MYH4: variants seen among roughly 807,000 people sequenced by gnomAD.
The protein encoded by MYH4 is myosin-4.
In MYH4, 200 loss-of-function variants were observed where a neutral mutation model predicts 229.9. That is an observed-to-expected ratio of 0.87 (90% CI 0.78 to 0.98). MYH4 has a LOEUF of 0.98. Among genes scored for constraint, MYH4 ranks in the 50% least tolerant of loss-of-function variants. The probability of loss-of-function intolerance (pLI) is 0.00; values close to 1 mark genes in which losing one functional copy is unlikely to be tolerated. For missense variants in MYH4, 2,148 were observed against 2,332.6 expected (o/e 0.92, Z 1.63); for synonymous variants, 761 against 834.6 (o/e 0.91, Z 1.52).
Position 10,463,404 on chromosome 17 carries a change from T to TA in MYH4, c.742-4dup. The TA allele has an allele frequency of 1.2e-6, 2 of 1,611,672 alleles. No individual in the cohort carries two copies. Among genetic ancestry groups the TA allele is most frequent in the South Asian group, 2.2e-5 (2 of 90,330 alleles). On this transcript the variant is annotated splice_region_variant and splice_polypyrimidine_tract_variant and intron_variant, in intron 8 of 39. Coordinates refer to ENST00000255381, the MANE Select transcript of MYH4 (RefSeq NM_017533.2). ...AAATGGATCCTGATGAATTTACCCT[T>TA]AAAAAAGAAAAGGAGGGATTATTAT...
Position 10,455,592 on chromosome 17 carries a change from G to C in MYH4, c.2174+22C>G, listed in dbSNP as rs28420886. On this transcript the variant is annotated intron_variant, in intron 19 of 39. Transcript: ENST00000255381. ...TTTGTGTAGACTAAGACATTGGAAG[G>C]GAAAAATAATGAGACACAAACCTCT... 1,147 of 1,613,452 alleles carry C rather than the reference G, an allele frequency of 7.1e-4. 11 individuals are homozygous for C. In the African/African-American group the frequency reaches 0.014, roughly 20 times the overall value.
At position 10,460,356 on chromosome 17, in the gene MYH4, A is replaced by G. The variant is rs368194383; in HGVS notation, c.1148-35T>C. On this transcript the variant is annotated intron_variant, in intron 12 of 39. Coordinates refer to ENST00000255381, the MANE Select transcript of MYH4 (RefSeq NM_017533.2). ...CAAGGTGAGAATGGTGAAACTGACC[A>G]TGGCTTACACAATTTAAAATGTAAA... The G allele has an allele frequency of 6.2e-6, 9 of 1,445,720 alleles. No individual in the cohort carries two copies. In the African/African-American group the frequency reaches 1.1e-4, roughly 18 times the overall value. The allele number at this position is 1,445,720 out of a possible 1,614,324, so 89.6% of individuals were successfully genotyped here.
chr17:10,460,180 CA>C (rs1597422086), intron 13 of MYH4, 22 bp downstream of exon 13: 2 of 1,613,458 alleles, frequency 1.2e-6, no homozygotes, highest in East Asian at 4.5e-5. Flanking sequence ...TCAAATAAAT[CA>C]GACAATTTAA....
chr17:10,466,295 C>A lies in MYH4; in HGVS notation c.326G>T (p.Arg109Leu). The A allele has an allele frequency of 1.9e-6, 3 of 1,614,068 alleles. No homozygotes were observed. The highest frequency in any genetic ancestry group is 2.5e-6 in the Non-Finnish European group (3 of 1,180,006). ...EPAVLYNLKERYAAWMIYTYS... is the reference protein window; with the variant it reads ...EPAVLYNLKELYAAWMIYTYS... The stretch of plus-strand genomic sequence containing the variant: ...CACGTAGATCATCCAGGCTGCGTAA[C>A]GCTCTTTGAGGTTATACAGCACAGC... Residue 109 changes from arginine (R) to leucine (L), a missense_variant, in exon 4 of 40, where the codon CGT becomes CTT. Transcript: ENST00000255381.
Position 10,448,682 on chromosome 17 carries a change from C to T in MYH4, c.4467G>A (p.Lys1489=). The change falls in exon 32 of 40, where the codon AAG becomes AAA. Residue 1489 remains lysine (K), a synonymous_variant. Transcript: ENST00000255381. ...GATCCAGGGATTCCTCGTAGGCATT[C>T]TTCACCTTGAACAGCTCAGTGCTGA... ...RSLSTELFKV[K]NAYEESLDHL... is the part of the protein sequence containing the mutation. 1 of 1,614,142 alleles carries T rather than the reference C, an allele frequency of 6.2e-7. No individual in the cohort carries two copies. Among genetic ancestry groups the T allele is most frequent in the Non-Finnish European group, 8.5e-7 (1 of 1,180,006 alleles).
At chr17:10,450,325 C>T (rs1373606060) in intron 30 of MYH4, 128 bp downstream of exon 30, 3 of 1,459,566 alleles carry the variant, frequency 2.1e-6, no homozygotes, top group Non-Finnish European at 2.8e-6. Flanking sequence ...GTGGAATCCA[C>T]CAACCTATAA....
Position 10,459,332 on chromosome 17 carries a change from T to G in MYH4, c.1506A>C (p.Glu502Asp). The change falls in exon 15 of 40, where the codon GAA becomes GAC. Residue 502 changes from glutamate (E) to aspartate (D), a missense_variant. Transcript: ENST00000255381. ...FNHHMFVLEQ[E>D]EYKKEGIEWE... is the part of the protein sequence containing the mutation. ...ACTCGATGCCTTCCTTCTTGTACTC[T>G]TCCTGCTCCAGCACGAACATGTGGT... 6.2e-7 allele frequency: 1 copy of G among 1,614,132 alleles called. No individual in the cohort carries two copies. Among genetic ancestry groups the G allele is most frequent in the Non-Finnish European group, 8.5e-7 (1 of 1,180,034 alleles).
At position 10,444,642 on chromosome 17, in the gene MYH4, T is replaced by C. The variant is rs1350064593; in HGVS notation, c.5629A>G (p.Thr1877Ala). 3 of 1,614,010 alleles carry C rather than the reference T, an allele frequency of 1.9e-6. No homozygotes were observed. The highest frequency in any genetic ancestry group is 1.6e-4 in the Middle Eastern group (1 of 6,062). The change falls in exon 39 of 40, where the codon ACC becomes GCC. Residue 1877 changes from threonine (T) to alanine (A), a missense_variant. Transcript: ENST00000255381. ...TGTCTCTTGTAAGCTTTGACTTTGG[T>C]TTGCAATTTGTCCACCAAGTCCTGC... is the stretch of plus-strand genomic sequence containing the variant. ...RLQDLVDKLQ[T>A]KVKAYKRQAE...
At chr17:10,449,678 T>A (rs1043340901) in intron 30 of MYH4, among the ~76,000 whole-genome samples, 8 of 152,190 alleles carry the variant, frequency 5.3e-5, no homozygotes, top group Admixed American at 4.6e-4. Flanking sequence ...ATCAGTAACT[T>A]TCTGGATTTG....
At position 10,449,013 on chromosome 17, in the gene MYH4, C is replaced by T. The variant is rs2072544287; in HGVS notation, c.4216G>A (p.Glu1406Lys). The T allele has an allele frequency of 6.2e-7, 1 of 1,614,024 alleles. No individual in the cohort carries two copies. The highest frequency in any genetic ancestry group is 1.7e-5 in the Admixed American group (1 of 59,996). Residue 1406 changes from glutamate (E) to lysine (K), a missense_variant, in exon 31 of 40, where the codon GAA (glutamate) becomes AAA (lysine). Glu to Lys is a moderately conservative substitution (Grantham distance 56, BLOSUM62 1). Coordinates refer to ENST00000255381, the MANE Select transcript of MYH4 (RefSeq NM_017533.2). ...KLAQRLQDAE[E>K]HVEAVNSKCA... The stretch of plus-strand genomic sequence containing the variant: ...TTGGAATTCACAGCTTCTACATGTT[C>T]TTCTGCATCCTGCAGACGCTGGGCT...
chr17:10,444,681 T>A lies in MYH4; in HGVS notation c.5590A>T (p.Asn1864Tyr). The A allele has an allele frequency of 6.2e-7, 1 of 1,614,006 alleles. No homozygotes were observed. The highest frequency in any genetic ancestry group is 8.5e-7 in the Non-Finnish European group (1 of 1,179,984). ...ACCAAGTCCTGCAGCCTGAGAATATTCTTGCGGTCCTCCTCAGTCTGAAAG... is the reference window on the plus strand; with the variant it reads ...ACCAAGTCCTGCAGCCTGAGAATATACTTGCGGTCCTCCTCAGTCTGAAAG... ...LTYQTEEDRK[N>Y]ILRLQDLVDK... Residue 1864 changes from asparagine (N) to tyrosine (Y), a missense_variant, in exon 39 of 40, where the codon AAT becomes TAT. Coordinates refer to ENST00000255381, the MANE Select transcript of MYH4 (RefSeq NM_017533.2).
chr17:10,451,886 T>A, intron 27 of MYH4, 55 bp downstream of exon 27: 27 of 1,544,056 alleles, frequency 1.7e-5, no homozygotes, highest in Non-Finnish European at 2.4e-5. Flanking sequence ...TATATAAACT[T>A]GGTCATTTTG....
chr17:10,457,488 C>A lies in MYH4; in HGVS notation c.1829G>T (p.Gly610Val). 6.2e-7 allele frequency: 1 copy of A among 1,614,140 alleles called. No individual in the cohort carries two copies. Among genetic ancestry groups the A allele is most frequent in the South Asian group, 1.1e-5 (1 of 91,074 alleles). ...CTTCATTGCAGACTTCTGGTACAGCCCCACCACAGTCTCATTCAGGGGGTC... is the reference window on the plus strand; with the variant it reads ...CTTCATTGCAGACTTCTGGTACAGCACCACCACAGTCTCATTCAGGGGGTC... The part of the protein sequence containing the change: ...NKDPLNETVV[G>V]LYQKSAMKTL... Residue 610 changes from glycine (G) to valine (V), a missense_variant, in exon 16 of 40, where the codon GGG becomes GTG. Coordinates refer to ENST00000255381, the MANE Select transcript of MYH4 (RefSeq NM_017533.2).
chr17:10,462,635 A>C (rs1348205066), intron 11 of MYH4, among the ~76,000 whole-genome samples: 1 of 152,232 alleles, frequency 6.6e-6, no homozygotes, highest in Non-Finnish European at 1.5e-5. Flanking sequence ...GGAGCCTACT[A>C]GCTAAGGAAT....
Position 10,463,582 on chromosome 17 carries a change from T to A in MYH4, c.710A>T (p.Lys237Met). 3 of 1,613,872 alleles carry A rather than the reference T, an allele frequency of 1.9e-6. No homozygotes were observed. Among genetic ancestry groups the A allele is most frequent in the Non-Finnish European group, 2.5e-6 (3 of 1,179,756 alleles). The change falls in exon 8 of 40, where the codon AAG (lysine) becomes ATG (methionine). Residue 237 changes from lysine (K) to methionine (M), a missense_variant. Transcript: ENST00000255381. Reference protein sequence around the residue: ...NPLLEAFGNAKTVRNDNSSRF... With the variant: ...NPLLEAFGNAMTVRNDNSSRF... ...AGAGGAGTTGTCATTCCTCACGGTCTTGGCATTGCCGAAGGCTTCCAGTAG... is the reference window on the plus strand; with the variant it reads ...AGAGGAGTTGTCATTCCTCACGGTCATGGCATTGCCGAAGGCTTCCAGTAG...
At chr17:10,457,133 T>C (rs2072648583) in intron 16 of MYH4, among the ~76,000 whole-genome samples, 1 of 152,224 alleles carries the variant, frequency 6.6e-6, no homozygotes, top group Non-Finnish European at 1.5e-5. Flanking sequence ...ACTATTAAAA[T>C]GATAGAAATG....
chr17:10,456,294 A>G (rs1472932810), intron 17 of MYH4, among the ~76,000 whole-genome samples, 191 bp downstream of exon 17: 1 of 152,222 alleles, frequency 6.6e-6, no homozygotes, highest in Non-Finnish European at 1.5e-5. Flanking sequence ...AGAGATATGT[A>G]GTTTGTTTTT....
chr17:10,453,372 T>A (rs1196037075), intron 23 of MYH4, 44 bp from the exon 24 acceptor site: 1 of 1,612,922 alleles, frequency 6.2e-7, no homozygotes, highest in African/African-American at 1.3e-5. Flanking sequence ...GACAACGTAT[T>A]ATCTTGATGA....
Position 10,447,172 on chromosome 17 carries a change from G to A in MYH4, c.5010C>T (p.Asp1670=). The A allele has an allele frequency of 6.2e-7, 1 of 1,614,078 alleles. No individual in the cohort carries two copies. Among genetic ancestry groups the A allele is most frequent in the Non-Finnish European group, 8.5e-7 (1 of 1,180,002 alleles). ...HLDDAIRGQD[D]LKEQLAMVER... is the part of the protein sequence containing the mutation. ...CAACCATTGCCAGTTGTTCCTTAAG[G>A]TCATCTTGGCCTCTGATGGCATCAT... Residue 1670 remains aspartate, a synonymous_variant, in exon 35 of 40, where the codon GAC becomes GAT. Coordinates refer to ENST00000255381, the MANE Select transcript of MYH4 (RefSeq NM_017533.2).
Sources: allele counts gnomAD v4.1 joint callset (sites outside exome capture counted in the v4.1 genomes callset), GRCh38; gene constraint gnomAD v4.1.1; transcripts MANE v1.5; gene names NCBI Gene and HGNC (gene_info 2026-07-23, HGNC 2026-07-21).